Variants in CATSPERE observed in about 807,000 individuals in gnomAD.
The protein encoded by CATSPERE is catsper channel auxiliary subunit epsilon.
In CATSPERE, 93 loss-of-function variants were observed where a neutral mutation model predicts 114.1. The ratio of observed to expected loss-of-function variants is 0.81; its 90% CI spans 0.69 to 0.97. The LOEUF (loss-of-function observed/expected upper bound fraction) is 0.97, where lower values mean the gene tolerates loss of function less well. Ranked by LOEUF, CATSPERE falls within the 50% of genes least tolerant of loss-of-function variation. The pLI, the probability that CATSPERE is intolerant of heterozygous loss-of-function variation, is 0.00. For synonymous variants in CATSPERE, 341 were observed against 384.1 expected (o/e 0.89, Z 1.31); for missense variants, 1,058 against 1,131.6 (o/e 0.93, Z 0.93).
chr1:244,569,256 G>A (rs181902404), intron 10 of CATSPERE, among the ~76,000 whole-genome samples: 19 of 152,298 alleles, frequency 1.2e-4, no homozygotes, highest in African/African-American at 4.3e-4. Flanking sequence ...CTCGTCTTCC[G>A]TGGGCTGCAC....
chr1:244,630,592 A>G (rs1673812188), intron 20 of CATSPERE, among the ~76,000 whole-genome samples: 1 of 152,190 alleles, frequency 6.6e-6, no homozygotes, highest in Non-Finnish European at 1.5e-5. Flanking sequence ...TCAACCAAAT[A>G]ACTTAAATTG....
Position 244,621,313 on chromosome 1 carries a change from A to ATATAGATATATCTATAT in CATSPERE, c.2648+3627_2648+3628insTATAGATATATCTATAT, listed in dbSNP as rs1329667347. 6.3e-5 allele frequency among the ~76,000 whole-genome samples: 5 copies of ATATAGATATATCTATAT among 78,916 alleles called. 1 individual carries two copies. Among genetic ancestry groups the ATATAGATATATCTATAT allele is most frequent in the African/African-American group, 2.8e-4 (5 of 17,710 alleles). The allele number at this position is 78,916 out of a possible 152,430, so 51.8% of individuals were successfully genotyped here. On this transcript the variant is annotated intron_variant, in intron 20 of 21. Coordinates refer to ENST00000366534, the MANE Select transcript of CATSPERE (RefSeq NM_001130957.2). ...TATCTATATAAATATATAAATATATAAAATATATATATATATATATATATA... is the reference window on the plus strand; with the variant it reads ...TATCTATATAAATATATAAATATATATATAGATATATCTATATAAATATATATATATATATATATATA...
At chr1:244,605,634 G>T in intron 17 of CATSPERE, 61 bp from the exon 18 acceptor site, 1 of 1,107,820 alleles carries the variant, frequency 9.0e-7, no homozygotes. Flanking sequence ...TCAGAAGCTG[G>T]AACTCTTAAC....
At chr1:244,584,801 C>G (rs1432624984) in intron 13 of CATSPERE, among the ~76,000 whole-genome samples, 1 of 152,130 alleles carries the variant, frequency 6.6e-6, no homozygotes, top group Non-Finnish European at 1.5e-5. Context: ...TTAGAGGGAG[C>G]CTTGAACTGA....
intron 6 of CATSPERE, 85 bp downstream of exon 6, chr1:244,490,556 G>A (rs947892244): frequency 3.5e-6 from 3 of 866,060 alleles, no homozygotes; most frequent in East Asian, 2.6e-5. Context: ...ACCAGATGAG[G>A]AATTTTTCAA....
chr1:244,475,815 G>A (rs752514978), intron 2 of CATSPERE, among the ~76,000 whole-genome samples: 18 of 152,102 alleles, frequency 1.2e-4, no homozygotes, highest in South Asian at 1.0e-3. Context: ...AATTACAGGC[G>A]TGAGCCACCA....
chr1:244,618,552 G>A (rs1391490682), intron 20 of CATSPERE, among the ~76,000 whole-genome samples: 6 of 152,182 alleles, frequency 3.9e-5, no homozygotes, highest in African/African-American at 7.2e-5. Flanking sequence ...AGGTCAAGGC[G>A]GGAGGATCAC....
chr1:244,462,082 G>A (rs925579170), intron 1 of CATSPERE, among the ~76,000 whole-genome samples: 12 of 152,186 alleles, frequency 7.9e-5, no homozygotes, highest in African/African-American at 2.9e-4. Context: ...CTCCCAAAGT[G>A]CTGTAATTAC....
chr1:244,527,955 C>G (rs574543726), intron 8 of CATSPERE, among the ~76,000 whole-genome samples: 49 of 152,200 alleles, frequency 3.2e-4, no homozygotes, highest in African/African-American at 1.1e-3. Context: ...CCAAGCTGGT[C>G]TTTATTTTTT....
intron 8 of CATSPERE, among the ~76,000 whole-genome samples, chr1:244,542,153 A>G (rs200839162): frequency 0.038 from 754 of 20,008 alleles, 20 homozygotes; most frequent in East Asian, 0.31. Context: ...AACATAAAGT[A>G]TAAAAAAAAA....
rs149268787 is a variant in CATSPERE at position 244,563,410 on chromosome 1, G to A, written c.1507+2265G>A. ...TGTAAAAGCATTCCTATTTCTCCAC[G>A]TCCTCTCCAGCATCTGTTGTTTCCT... On this transcript the variant is annotated intron_variant, in intron 10 of 21. Coordinates refer to ENST00000366534, the MANE Select transcript of CATSPERE (RefSeq NM_001130957.2). 1.9e-3 allele frequency among the ~76,000 whole-genome samples: 294 copies of A among 152,110 alleles called. 2 individuals carry two copies. Among genetic ancestry groups the A allele is most frequent in the Non-Finnish European group, 3.1e-3 (214 of 67,964 alleles).
intron 20 of CATSPERE, among the ~76,000 whole-genome samples, chr1:244,621,025 ATAAATATATAT>A (rs1672035944): frequency 8.8e-6 from 1 of 113,672 alleles, no homozygotes; most frequent in Non-Finnish European, 1.7e-5. Flanking sequence ...TAAAATATAT[ATAAATATATAT>A]AAAATATATA....
At chr1:244,599,544 G>C (rs1226614736) in intron 17 of CATSPERE, among the ~76,000 whole-genome samples, 1 of 152,186 alleles carries the variant, frequency 6.6e-6, no homozygotes, top group Non-Finnish European at 1.5e-5. Flanking sequence ...CAGGCTTTTT[G>C]TTGCTCTCTC....
At chr1:244,537,500 G>A (rs925958987) in intron 8 of CATSPERE, among the ~76,000 whole-genome samples, 1 of 152,168 alleles carries the variant, frequency 6.6e-6, no homozygotes, top group South Asian at 2.1e-4. Flanking sequence ...CATAGAATGA[G>A]TTGGGAAAAA....
chr1:244,640,257 C>CAT lies in CATSPERE; in HGVS notation c.*183_*184dup. 1 of 499,034 alleles carries CAT rather than the reference C, an allele frequency of 2.0e-6. No homozygotes were observed. 30.9% of individuals were successfully genotyped at this position (499,034 alleles called of 1,614,324 possible). On this transcript the variant is annotated 3_prime_UTR_variant, in exon 22 of 22. Transcript: ENST00000366534. ...ACTATCTCCAAAATAGAAATGTTTT[C>CAT]ATATATATTGTTATTAAATTAATCC...
intron 5 of CATSPERE, 89 bp from the exon 6 acceptor site, chr1:244,490,358 G>A (rs564804760): frequency 1.1e-6 from 1 of 884,836 alleles, no homozygotes; most frequent in East Asian, 2.6e-5. Context: ...ATATGCAAAG[G>A]TTTAGAAACA....
intron 20 of CATSPERE, among the ~76,000 whole-genome samples, chr1:244,624,372 A>G (rs1356316693): frequency 6.6e-6 from 1 of 152,148 alleles, no homozygotes; most frequent in Non-Finnish European, 1.5e-5. Context: ...CATTTTACCC[A>G]CAGTGGAACT....
intron 8 of CATSPERE, among the ~76,000 whole-genome samples, chr1:244,534,779 A>C (rs1680124696): frequency 6.6e-6 from 1 of 152,122 alleles, no homozygotes; most frequent in Non-Finnish European, 1.5e-5. Flanking sequence ...TGCCTTACTT[A>C]CTTCATTTGA....
intron 6 of CATSPERE, among the ~76,000 whole-genome samples, chr1:244,493,385 C>G (rs1015288280): frequency 6.6e-6 from 1 of 152,168 alleles, no homozygotes; most frequent in Non-Finnish European, 1.5e-5. Context: ...GCTGGGAAAA[C>G]TGGTTGGCCA....
Sources: gnomAD v4.1 joint callset for allele counts (sites outside exome capture counted in the v4.1 genomes callset) on GRCh38, gnomAD v4.1.1 for gene constraint, MANE v1.5 for transcripts, NCBI Gene and HGNC (gene_info 2026-07-23, HGNC 2026-07-21) for gene names.